Variants in NDFIP1 observed in about 807,000 individuals in gnomAD.
NDFIP1 encodes the protein Nedd4 family interacting protein 1, also known as NEDD4 family-interacting protein 1.
In NDFIP1, 7 loss-of-function variants were observed where a neutral mutation model predicts 28.8. The observed-to-expected ratio is 0.24, with a 90% CI of 0.14 to 0.46. The LOEUF (loss-of-function observed/expected upper bound fraction) is 0.46. Ranked by LOEUF, NDFIP1 falls within the 20% of genes least tolerant of loss-of-function variation. The pLI is 0.99. For synonymous variants in NDFIP1, 92 were observed against 101.0 expected (o/e 0.91, Z 0.53); for missense variants, 194 against 269.1 (o/e 0.72, Z 1.95).
chr5:142,110,487 T>C (rs1757002505), intron 1 of NDFIP1, among the ~76,000 whole-genome samples: 1 of 152,228 alleles, frequency 6.6e-6, no homozygotes, highest in Non-Finnish European at 1.5e-5. Flanking sequence ...ACTGCCATCT[T>C]CTTGAGCTAT....
chr5:142,111,603 T>G (rs1757014846), intron 1 of NDFIP1, among the ~76,000 whole-genome samples: 1 of 152,240 alleles, frequency 6.6e-6, no homozygotes, highest in Non-Finnish European at 1.5e-5. Context: ...CTGTTCTGAC[T>G]TCTATTTGAT....
chr5:142,140,448 C>CG, intron 5 of NDFIP1, 115 bp from the exon 6 acceptor site: 1 of 516,152 alleles, frequency 1.9e-6, no homozygotes. Flanking sequence ...AACTCCGTCT[C>CG]AAAAAAAAAA....
chr5:142,111,917 A>T (rs556088202), intron 1 of NDFIP1, among the ~76,000 whole-genome samples: 1 of 151,834 alleles, frequency 6.6e-6, no homozygotes, highest in African/African-American at 2.4e-5. Flanking sequence ...AAATACAAAA[A>T]TTAGCCAGGT....
At chr5:142,113,337 A>G (rs1025738822) in intron 1 of NDFIP1, among the ~76,000 whole-genome samples, 2 of 152,244 alleles carry the variant, frequency 1.3e-5, no homozygotes, top group Non-Finnish European at 2.9e-5. Context: ...AAATTATTAG[A>G]TGAAGTAATG....
At chr5:142,133,416 C>G (rs1021928968) in intron 3 of NDFIP1, among the ~76,000 whole-genome samples, 1 of 152,136 alleles carries the variant, frequency 6.6e-6, no homozygotes, top group Non-Finnish European at 1.5e-5. Flanking sequence ...TTCATAGTAA[C>G]CTTGAAAGGT....
chr5:142,116,554 A>G (rs1445070056), intron 1 of NDFIP1, among the ~76,000 whole-genome samples: 1 of 151,936 alleles, frequency 6.6e-6, no homozygotes, highest in East Asian at 1.9e-4. Flanking sequence ...TTTTTAGTAG[A>G]GGTGGGGTTT....
chr5:142,124,305 T>A (rs6882226), intron 1 of NDFIP1, among the ~76,000 whole-genome samples: 102,209 of 152,048 alleles, frequency 0.67, 34,669 homozygotes, highest in African/African-American at 0.77. Context: ...CCTTCGGGGA[T>A]GAGGGTTGAT....
At chr5:142,113,479 G>T (rs994602022) in intron 1 of NDFIP1, among the ~76,000 whole-genome samples, 2 of 152,142 alleles carry the variant, frequency 1.3e-5, no homozygotes. Flanking sequence ...TGTATTTGTG[G>T]CCTACATGGT....
chr5:142,115,468 A>G, intron 1 of NDFIP1, among the ~76,000 whole-genome samples: 1 of 152,042 alleles, frequency 6.6e-6, no homozygotes, highest in East Asian at 1.9e-4. Context: ...TATTTTTCGT[A>G]GAGATGGGGT....
intron 1 of NDFIP1, among the ~76,000 whole-genome samples, chr5:142,130,790 A>G (rs960974170): frequency 3.3e-5 from 5 of 152,088 alleles, no homozygotes; most frequent in South Asian, 4.1e-4. Flanking sequence ...CTGTACTCCT[A>G]TTACCTAGAA....
At chr5:142,139,552 A>G (rs1217534876) in intron 5 of NDFIP1, among the ~76,000 whole-genome samples, 2 of 152,216 alleles carry the variant, frequency 1.3e-5, no homozygotes, top group African/African-American at 4.8e-5. Context: ...AAAATTTTCT[A>G]CCACCTTTAG....
chr5:142,108,886 C>G lies in NDFIP1; in HGVS notation c.-89C>G, dbSNP rs950929457. 2.5e-6 allele frequency: 3 copies of G among 1,206,906 alleles called. No individual in the cohort carries two copies. Among genetic ancestry groups the G allele is most frequent in the Admixed American group, 4.1e-5 (1 of 24,616 alleles). 74.8% of individuals were successfully genotyped at this position (1,206,906 alleles called of 1,614,324 possible). ...CGAGACCCACCCAAGGCGCGTCCCCCTCGGCCTCCCAGCGCTCCCAAGCCG... is the reference window on the plus strand; with the variant it reads ...CGAGACCCACCCAAGGCGCGTCCCCGTCGGCCTCCCAGCGCTCCCAAGCCG... On this transcript the variant is annotated 5_prime_UTR_variant, in exon 1 of 8. Transcript: ENST00000253814.
intron 5 of NDFIP1, among the ~76,000 whole-genome samples, chr5:142,140,362 C>T (rs1413883095): frequency 2.6e-5 from 4 of 151,318 alleles, no homozygotes; most frequent in East Asian, 1.9e-4. Flanking sequence ...GCAGGAGAAT[C>T]GCTTGAACCT....
chr5:142,134,401 C>A (rs7723666), intron 3 of NDFIP1, among the ~76,000 whole-genome samples: 1 of 152,158 alleles, frequency 6.6e-6, no homozygotes, highest in African/African-American at 2.4e-5. Flanking sequence ...TCTGCTGATA[C>A]GAAGTAAGAA....
At chr5:142,124,146 G>C (rs1225138185) in intron 1 of NDFIP1, among the ~76,000 whole-genome samples, 3 of 152,096 alleles carry the variant, frequency 2.0e-5, no homozygotes, top group African/African-American at 7.2e-5. Context: ...AGGATTATTT[G>C]CTTGATAATA....
At chr5:142,129,038 T>G (rs1757199492) in intron 1 of NDFIP1, among the ~76,000 whole-genome samples, 1 of 152,208 alleles carries the variant, frequency 6.6e-6, no homozygotes, top group Admixed American at 6.5e-5. Context: ...GAGACCTAAA[T>G]TATGCAGGGG....
intron 1 of NDFIP1, among the ~76,000 whole-genome samples, chr5:142,112,999 C>T (rs1180394225): frequency 1.3e-5 from 2 of 152,138 alleles, no homozygotes; most frequent in South Asian, 4.2e-4. Context: ...GAACGCAGAT[C>T]TTCTGCGGTA....
intron 7 of NDFIP1, among the ~76,000 whole-genome samples, chr5:142,148,983 T>C (rs1289697823): frequency 6.6e-6 from 1 of 152,088 alleles, no homozygotes; most frequent in African/African-American, 2.4e-5. Context: ...ATTGGTTATA[T>C]CTAACACTAT....
intron 7 of NDFIP1, among the ~76,000 whole-genome samples, chr5:142,151,207 G>A (rs768346314): frequency 6.6e-6 from 1 of 152,202 alleles, no homozygotes; most frequent in African/African-American, 2.4e-5. Context: ...AAAAGTATTT[G>A]TGGTACCTGT....
Sources: allele counts gnomAD v4.1 joint callset (sites outside exome capture counted in the v4.1 genomes callset), GRCh38; gene constraint gnomAD v4.1.1; transcripts MANE v1.5; gene names NCBI Gene and HGNC (gene_info 2026-07-23, HGNC 2026-07-21).